Variants in RNF13 observed in about 807,000 individuals in gnomAD.
RNF13 encodes the protein E3 ubiquitin-protein ligase RNF13.
RNF13 carries 19 observed loss-of-function variants against 37.7 expected under a neutral mutation model. The ratio of observed to expected loss-of-function variants is 0.50; its 90% CI spans 0.35 to 0.74. The LOEUF is 0.74. Ranked by LOEUF, RNF13 falls within the 30% of genes least tolerant of loss-of-function variation. RNF13 has a pLI of 0.01. For synonymous variants in RNF13, 144 were observed against 157.8 expected, an observed-to-expected ratio of 0.91 and a Z score of 0.65; for missense variants, 375 against 453.0, an observed-to-expected ratio of 0.83 and a Z score of 1.56.
chr3:149,828,285 G>A (rs1720701068), intron 1 of RNF13, among the ~76,000 whole-genome samples: 1 of 152,164 alleles, frequency 6.6e-6, no homozygotes, highest in African/African-American at 2.4e-5. Flanking sequence ...TTGATGATTA[G>A]AAGGAAAAAC....
intron 4 of RNF13, among the ~76,000 whole-genome samples, chr3:149,893,453 A>G (rs565768335): frequency 2.7e-4 from 41 of 152,336 alleles, no homozygotes; most frequent in African/African-American, 9.6e-4. Context: ...GTGGAAAGAA[A>G]CATTTCTCCT....
intron 8 of RNF13, among the ~76,000 whole-genome samples, chr3:149,922,565 C>T (rs1718251735): frequency 6.6e-6 from 1 of 152,162 alleles, no homozygotes; most frequent in African/African-American, 2.4e-5. Flanking sequence ...ACCAGGTGAA[C>T]TACTCTCACT....
chr3:149,882,765 C>G (rs989434300), intron 4 of RNF13, among the ~76,000 whole-genome samples: 3 of 152,010 alleles, frequency 2.0e-5, no homozygotes, highest in Admixed American at 2.0e-4. Context: ...TTTTAATGAG[C>G]CATGGTAGTT....
In RNF13 at chr3:149,959,969, TA is replaced by T. The variant is rs1157252005; in HGVS notation, c.701-84del. On this transcript the variant is annotated intron_variant, in intron 8 of 9. Transcript: ENST00000392894. ...CGATGCAAAAGGCATCATTCAAAGATAAATACATCAAAAGGCAGTAACTGAG... is the reference window on the plus strand; with the variant it reads ...CGATGCAAAAGGCATCATTCAAAGATAATACATCAAAAGGCAGTAACTGAG... The T allele has an allele frequency of 8.5e-6, 7 of 824,904 alleles. No individual in the cohort carries two copies. In the East Asian group the frequency reaches 1.8e-4, roughly 21 times the overall value. The allele number at this position is 824,904 out of a possible 1,614,324, so 51.1% of individuals were successfully genotyped here. A position where few individuals can be genotyped will look rare whatever the true frequency, so the allele number is the denominator to read the frequency against.
At chr3:149,846,253 A>G (rs1321886981) in intron 2 of RNF13, 113 bp downstream of exon 2, 27 of 648,608 alleles carry the variant, frequency 4.2e-5, no homozygotes, top group Non-Finnish European at 7.0e-5. Context: ...ATCTAAAAAC[A>G]TACCCCAACA....
At chr3:149,939,479 G>T in intron 8 of RNF13, 2 of 569,212 alleles carry the variant, frequency 3.5e-6, no homozygotes, top group Non-Finnish European at 6.8e-6. Context: ...ATATGCACTG[G>T]CTCTGAAGCA....
intron 3 of RNF13, 33 bp downstream of exon 3, chr3:149,852,629 A>G: frequency 1.0e-6 from 1 of 989,440 alleles, no homozygotes; most frequent in Non-Finnish European, 1.5e-6. Flanking sequence ...GTAAAGACAC[A>G]AGGTATTTAA....
At chr3:149,833,118 C>CTCTTTTTTTT (rs1306537184) in intron 1 of RNF13, among the ~76,000 whole-genome samples, 49 of 111,882 alleles carry the variant, frequency 4.4e-4, no homozygotes, top group South Asian at 8.9e-4. Context: ...CTCTCTCTCT[C>CTCTTTTTTTT]TTTTTTTTTT....
intron 4 of RNF13, among the ~76,000 whole-genome samples, chr3:149,889,878 T>C (rs966169378): frequency 4.6e-5 from 7 of 151,664 alleles, no homozygotes; most frequent in African/African-American, 1.5e-4. Flanking sequence ...TAGTCCCGAA[T>C]TTCTTGGCCA....
At chr3:149,869,494 T>C (rs1576794330) in intron 3 of RNF13, among the ~76,000 whole-genome samples, 1 of 150,792 alleles carries the variant, frequency 6.6e-6, no homozygotes, top group East Asian at 1.9e-4. Flanking sequence ...TAGTCCCAGC[T>C]ACTTGGGAGG....
chr3:149,938,106 C>T (rs1316966959), intron 8 of RNF13, among the ~76,000 whole-genome samples: 1 of 151,774 alleles, frequency 6.6e-6, no homozygotes, highest in Non-Finnish European at 1.5e-5. Context: ...TATTTTGGCA[C>T]TCTGTTATTA....
At chr3:149,871,952 G>A (rs976647136) in intron 3 of RNF13, 77 bp from the exon 4 acceptor site, 18 of 1,302,088 alleles carry the variant, frequency 1.4e-5, no homozygotes, top group Middle Eastern at 2.8e-4. Context: ...ATGACAAATC[G>A]AAAAGATATT....
chr3:149,837,084 A>G (rs2108353463), intron 1 of RNF13, among the ~76,000 whole-genome samples: 1 of 152,312 alleles, frequency 6.6e-6, no homozygotes, highest in East Asian at 1.9e-4. Flanking sequence ...AACAATGTGA[A>G]TATAGTTAAT....
At chr3:149,915,328 C>G (rs1576531584) in intron 7 of RNF13, among the ~76,000 whole-genome samples, 1 of 152,204 alleles carries the variant, frequency 6.6e-6, no homozygotes, top group East Asian at 1.9e-4. Context: ...TATTAGCAAT[C>G]TGGATATTCA....
At chr3:149,894,304 C>T (rs964935378) in intron 4 of RNF13, among the ~76,000 whole-genome samples, 5 of 152,122 alleles carry the variant, frequency 3.3e-5, no homozygotes, top group Non-Finnish European at 7.4e-5. Context: ...AGTCAACTGA[C>T]CTGACTGGGA....
chr3:149,831,622 T>C (rs966380470), intron 1 of RNF13, among the ~76,000 whole-genome samples: 7 of 152,184 alleles, frequency 4.6e-5, no homozygotes, highest in African/African-American at 1.7e-4. Flanking sequence ...ACTTACCTTG[T>C]TTCAGATGAG....
chr3:149,898,510 T>A (rs1020024875), intron 5 of RNF13, among the ~76,000 whole-genome samples: 1 of 152,122 alleles, frequency 6.6e-6, no homozygotes. Flanking sequence ...CTTTACCACC[T>A]AGTAGCTGTA....
chr3:149,867,162 T>A (rs1015656259), intron 3 of RNF13, among the ~76,000 whole-genome samples: 2 of 152,204 alleles, frequency 1.3e-5, no homozygotes, highest in Non-Finnish European at 2.9e-5. Flanking sequence ...TTATGTTTGC[T>A]GCATATGCTT....
At chr3:149,829,016 A>G (rs567493867) in intron 1 of RNF13, among the ~76,000 whole-genome samples, 22 of 152,338 alleles carry the variant, frequency 1.4e-4, no homozygotes, top group African/African-American at 5.3e-4. Flanking sequence ...ATCACATCTC[A>G]TATATACTGA....
Sources: gnomAD v4.1 joint callset for allele counts (sites outside exome capture counted in the v4.1 genomes callset) on GRCh38, gnomAD v4.1.1 for gene constraint, MANE v1.5 for transcripts, NCBI Gene and HGNC (gene_info 2026-07-23, HGNC 2026-07-21) for gene names.